Variants in YJU2B observed in about 807,000 individuals in gnomAD.
The protein encoded by YJU2B is probable splicing factor YJU2B.
YJU2B carries 18 observed loss-of-function variants against 38.0 expected under a neutral mutation model. That is an observed-to-expected ratio of 0.47 (90% CI 0.33 to 0.70). The LOEUF (loss-of-function observed/expected upper bound fraction) is 0.70. Ranked by LOEUF, YJU2B falls within the 30% of genes least tolerant of loss-of-function variation. The pLI is 0.02. For missense variants in YJU2B, 538 were observed against 556.3 expected (o/e 0.97, Z 0.33); for synonymous variants, 246 against 225.4 (o/e 1.09, Z -0.82).
chr19:13,754,364 G>A, intron 3 of YJU2B, 22 bp downstream of exon 3: 1 of 1,603,282 alleles, frequency 6.2e-7, no homozygotes, highest in Non-Finnish European at 8.5e-7. Context: ...CTCCGCTCCA[G>A]GTCCACAGTA....
At chr19:13,736,087 G>A (rs551495762) in intron 2 of YJU2B, among the ~76,000 whole-genome samples, 2 of 151,548 alleles carry the variant, frequency 1.3e-5, no homozygotes, top group African/African-American at 4.8e-5. Flanking sequence ...TCCACGATGT[G>A]GTGTGTATTT....
intron 2 of YJU2B, among the ~76,000 whole-genome samples, chr19:13,734,487 A>G (rs981626426): frequency 9.9e-5 from 15 of 151,916 alleles, no homozygotes; most frequent in Non-Finnish European, 4.4e-5. Context: ...ACAGAGTTTC[A>G]CCATGTTGGC....
intron 2 of YJU2B, among the ~76,000 whole-genome samples, chr19:13,753,961 A>G (rs1358524912): frequency 6.6e-6 from 1 of 152,086 alleles, no homozygotes; most frequent in East Asian, 1.9e-4. Flanking sequence ...ACTTGATGTC[A>G]GGAGTTCAAG....
intron 2 of YJU2B, among the ~76,000 whole-genome samples, chr19:13,752,613 G>A (rs570015136): frequency 2.0e-5 from 3 of 152,252 alleles, no homozygotes; most frequent in South Asian, 4.1e-4. Context: ...GCGTGTTGGC[G>A]GGAGCCTGTA....
chr19:13,734,741 A>G (rs1235703617), intron 2 of YJU2B, among the ~76,000 whole-genome samples: 2 of 151,912 alleles, frequency 1.3e-5, no homozygotes, highest in African/African-American at 4.8e-5. Flanking sequence ...GGTGTGCTCC[A>G]CCATGCACAG....
intron 2 of YJU2B, among the ~76,000 whole-genome samples, chr19:13,752,479 C>T (rs752314060): frequency 1.3e-5 from 2 of 152,052 alleles, no homozygotes; most frequent in East Asian, 3.9e-4. Context: ...CGCGGTGGCT[C>T]ACGCCTGTAA....
chr19:13,762,719 C>A lies in YJU2B; in HGVS notation c.842C>A (p.Thr281Asn). 6.2e-7 allele frequency: 1 copy of A among 1,607,614 alleles called. No individual in the cohort carries two copies. Among genetic ancestry groups the A allele is most frequent in the Non-Finnish European group, 8.5e-7 (1 of 1,179,594 alleles). ...VLKKLAQSRR[T>N]ALATSPITVG... is the part of the protein sequence containing the mutation. ...AAGAAGCTGGCACAGAGCCGCAGAA[C>A]CGCGCTTGCCACCTCCCCCATCACC... The change falls in exon 10 of 10, where the codon ACC (threonine) becomes AAC (asparagine). Residue 281 changes from threonine to asparagine, a missense_variant. Physicochemically the swap from Thr to Asn is moderately conservative, Grantham distance 65. Coordinates refer to ENST00000221554, the MANE Select transcript of YJU2B (RefSeq NM_030818.4).
intron 2 of YJU2B, among the ~76,000 whole-genome samples, chr19:13,738,301 A>G (rs1273783653): frequency 2.6e-5 from 4 of 152,222 alleles, no homozygotes; most frequent in Non-Finnish European, 4.4e-5. Flanking sequence ...ATCCATCATT[A>G]TGGCATCATC....
At chr19:13,758,045 C>G (rs1973736605) in intron 6 of YJU2B, among the ~76,000 whole-genome samples, 199 bp downstream of exon 6, 1 of 152,112 alleles carries the variant, frequency 6.6e-6, no homozygotes, top group Admixed American at 6.6e-5. Flanking sequence ...AGTCCTCCCC[C>G]TGGCTCACAA....
chr19:13,737,947 G>C (rs1048094240), intron 2 of YJU2B, among the ~76,000 whole-genome samples: 25 of 152,138 alleles, frequency 1.6e-4, no homozygotes, highest in African/African-American at 6.0e-4. Context: ...CTAGCTCTTT[G>C]TATGGATGAA....
intron 3 of YJU2B, among the ~76,000 whole-genome samples, 184 bp downstream of exon 3, chr19:13,754,526 G>C (rs1382718487): frequency 6.6e-6 from 1 of 152,142 alleles, no homozygotes; most frequent in Non-Finnish European, 1.5e-5. Flanking sequence ...TCAGGGACCT[G>C]TAACTCCATG....
At chr19:13,745,688 T>TA (rs2145107255), upstream of YJU2B, among the ~76,000 whole-genome samples, 1 of 95,280 alleles carries the variant, frequency 1.0e-5, no homozygotes, top group African/African-American at 4.2e-5. Context: ...GATAGATAGA[T>TA]AGATATAGAT....
At chr19:13,746,780 G>T (rs1046058752), upstream of YJU2B, among the ~76,000 whole-genome samples, 10 of 151,990 alleles carry the variant, frequency 6.6e-5, no homozygotes, top group African/African-American at 2.4e-4. Context: ...GGTGGAAGGT[G>T]CCTGTAATCC....
intron 2 of YJU2B, among the ~76,000 whole-genome samples, chr19:13,741,457 AT>A (rs1361682496): frequency 3.3e-5 from 5 of 150,738 alleles, no homozygotes; most frequent in African/African-American, 4.9e-5. Flanking sequence ...CTGGCCAGAA[AT>A]TTTTTTTTAA....
At chr19:13,734,834 C>T (rs1264740573) in intron 2 of YJU2B, among the ~76,000 whole-genome samples, 1 of 152,102 alleles carries the variant, frequency 6.6e-6, no homozygotes, top group Admixed American at 6.6e-5. Context: ...CTCAAACTCC[C>T]TGGGGCTCAA....
chr19:13,748,017 C>T (rs569521332), intron 1 of YJU2B, 63 bp downstream of exon 1: 1 of 152,386 alleles, frequency 6.6e-6, no homozygotes, highest in East Asian at 1.9e-4. Context: ...TCACCCTGGC[C>T]TCGGAGCTGC....
At chr19:13,749,632 C>CTTT (rs71170557) in intron 1 of YJU2B, among the ~76,000 whole-genome samples, 17 of 130,312 alleles carry the variant, frequency 1.3e-4, no homozygotes, top group South Asian at 2.4e-4. Context: ...GAACTTCTTT[C>CTTT]TTTTTTTTTT....
upstream of YJU2B, among the ~76,000 whole-genome samples, chr19:13,744,123 G>A (rs369226901): frequency 6.7e-6 from 1 of 149,448 alleles, no homozygotes. Flanking sequence ...CCCGAGAGGT[G>A]AAGGTTGCAG....
At chr19:13,751,845 C>T (rs372295607) in intron 2 of YJU2B, 34 bp downstream of exon 2, 1 of 1,612,374 alleles carries the variant, frequency 6.2e-7, no homozygotes, top group Non-Finnish European at 8.5e-7. Flanking sequence ...CTGGGTTTCT[C>T]TCCCAGTCTT....
Sources: allele counts gnomAD v4.1 joint callset (sites outside exome capture counted in the v4.1 genomes callset), GRCh38; gene constraint gnomAD v4.1.1; transcripts MANE v1.5; gene names NCBI Gene and HGNC (gene_info 2026-07-23, HGNC 2026-07-21).